The following DIP2B variants were observed in gnomAD, a reference collection of about 807,000 sequenced individuals.
DIP2B encodes the protein disco-interacting protein 2 homolog B.
A neutral mutation model predicts 198.0 loss-of-function variants in DIP2B; 76 were observed. That is an observed-to-expected ratio of 0.38 (90% CI 0.32 to 0.46). The LOEUF (loss-of-function observed/expected upper bound fraction) is 0.46, where lower values mean the gene tolerates loss of function less well. Ranked by LOEUF, DIP2B falls within the 20% of genes least tolerant of loss-of-function variation. The pLI, the probability that DIP2B is intolerant of heterozygous loss-of-function variation, is 0.99. For synonymous variants in DIP2B, 701 were observed against 739.1 expected, an observed-to-expected ratio of 0.95 and a Z score of 0.84; for missense variants, 1,559 against 1,978.4, an observed-to-expected ratio of 0.79 and a Z score of 4.02.
intron 1 of DIP2B, among the ~76,000 whole-genome samples, chr12:50,583,522 A>T (rs1958743690): frequency 6.6e-6 from 1 of 152,216 alleles, no homozygotes; most frequent in African/African-American, 2.4e-5. Context: ...GATCATAGAC[A>T]GATGTCCCGA....
rs1939369854 is a variant in DIP2B, at chr12:50,699,066, G to T, written c.2189G>T (p.Gly730Val). Residue 730 changes from glycine to valine, a missense_variant and splice_region_variant, in exon 19 of 38, where the codon GGG becomes GTG. By Grantham distance (109) the Gly-to-Val change is moderately radical (BLOSUM62 -3). Transcript: ENST00000301180. ...VQDVGHVMPG[G>V]MMCIVKPDGP... ...TTAACCTGTATTTTCTGTACGTTAGGGATGATGTGCATTGTGAAACCAGAT... is the reference window on the plus strand; with the variant it reads ...TTAACCTGTATTTTCTGTACGTTAGTGATGATGTGCATTGTGAAACCAGAT... 3 of 1,613,894 alleles carry T rather than the reference G, an allele frequency of 1.9e-6. No homozygotes were observed. Among genetic ancestry groups the T allele is most frequent in the Non-Finnish European group, 2.5e-6 (3 of 1,179,976 alleles).
chr12:50,553,490 G>A (rs1013833832), intron 1 of DIP2B, among the ~76,000 whole-genome samples: 4 of 152,128 alleles, frequency 2.6e-5, no homozygotes, highest in African/African-American at 9.7e-5. Flanking sequence ...GTATGTTGCA[G>A]GTCAGTTTAA....
At chr12:50,613,501 G>C (rs1008594551) in intron 1 of DIP2B, among the ~76,000 whole-genome samples, 4 of 152,128 alleles carry the variant, frequency 2.6e-5, no homozygotes, top group Non-Finnish European at 4.4e-5. Flanking sequence ...CTTTTTCGTA[G>C]AGAAAAGGTA....
intron 2 of DIP2B, among the ~76,000 whole-genome samples, chr12:50,638,355 G>A (rs1938195171): frequency 6.6e-6 from 1 of 152,154 alleles, no homozygotes; most frequent in African/African-American, 2.4e-5. Flanking sequence ...AAATACCTTT[G>A]GGATTTTTAT....
chr12:50,674,607 C>T lies in DIP2B; in HGVS notation c.774C>T (p.Ser258=). The T allele has an allele frequency of 6.2e-7, 1 of 1,614,172 alleles. No homozygotes were observed. Among genetic ancestry groups the T allele is most frequent in the Non-Finnish European group, 8.5e-7 (1 of 1,180,030 alleles). ...GCATGCACAAAGGATCCAACAGGTC[C>T]AGCCTTATGGATACAGCTGATGGTA... The part of the protein sequence containing the change: ...VKGMHKGSNR[S]SLMDTADGVP... The change falls in exon 6 of 38, where the codon TCC becomes TCT. Residue 258 remains serine (S), a synonymous_variant. Coordinates refer to ENST00000301180, the MANE Select transcript of DIP2B (RefSeq NM_173602.3).
Position 50,744,873 on chromosome 12 carries a change from A to T in DIP2B, c.*34A>T, listed in dbSNP as rs765967839. On this transcript the variant is annotated 3_prime_UTR_variant, in exon 38 of 38. Transcript: ENST00000301180. Reference sequence around the variant, plus strand: ...GTGGGGACTGCAGTGGGCCATTCTGAAGAATCACAAAGACAGAAGACCTCT... The same window carrying T: ...GTGGGGACTGCAGTGGGCCATTCTGTAGAATCACAAAGACAGAAGACCTCT... 1.2e-6 allele frequency: 2 copies of T among 1,605,616 alleles called. No homozygotes were observed. Among genetic ancestry groups the T allele is most frequent in the South Asian group, 1.1e-5 (1 of 90,688 alleles).
chr12:50,629,947 ATT>A (rs544878687), intron 2 of DIP2B, among the ~76,000 whole-genome samples: 25 of 127,124 alleles, frequency 2.0e-4, no homozygotes, highest in Admixed American at 4.9e-4. Flanking sequence ...GGTAAATTTA[ATT>A]TTTTTTTTTT....
At position 50,505,166 on chromosome 12, in the gene DIP2B, C is replaced by T. The variant is rs1466454746; in HGVS notation, c.26C>T (p.Ser9Leu). Residue 9 changes from serine to leucine, a missense_variant, in exon 1 of 38, where the codon TCG becomes TTG. Ser to Leu is a moderately radical substitution (Grantham distance 145, BLOSUM62 -2). Transcript: ENST00000301180. MAERGLEP[S>L]PAAVAALPPE... Reference sequence around the variant, plus strand: ...ATGGCGGAACGAGGCCTGGAGCCGTCGCCGGCCGCGGTGGCGGCGCTGCCG... The same window carrying T: ...ATGGCGGAACGAGGCCTGGAGCCGTTGCCGGCCGCGGTGGCGGCGCTGCCG... The T allele has an allele frequency of 1.7e-5, 26 of 1,526,546 alleles. No individual in the cohort carries two copies. The highest frequency in any genetic ancestry group is 2.3e-5 in the Non-Finnish European group (26 of 1,142,394). The allele number at this position is 1,526,546 out of a possible 1,614,324, so 94.6% of individuals were successfully genotyped here.
intron 1 of DIP2B, among the ~76,000 whole-genome samples, chr12:50,568,210 T>A (rs1022320086): frequency 7.2e-5 from 11 of 152,190 alleles, no homozygotes; most frequent in Admixed American, 2.0e-4. Flanking sequence ...TTTGCTGTCC[T>A]TCTTTGGAAC....
intron 1 of DIP2B, among the ~76,000 whole-genome samples, chr12:50,602,098 C>T (rs1323456088): frequency 6.6e-6 from 1 of 152,156 alleles, no homozygotes; most frequent in African/African-American, 2.4e-5. Flanking sequence ...TAATTCAAAC[C>T]TCAAGCTTGT....
At chr12:50,657,869 A>T (rs1251267044) in intron 3 of DIP2B, among the ~76,000 whole-genome samples, 1 of 152,150 alleles carries the variant, frequency 6.6e-6, no homozygotes, top group Non-Finnish European at 1.5e-5. Context: ...TAGATCCCAG[A>T]TCAGGAAAAA....
chr12:50,633,410 A>G (rs971345405), intron 2 of DIP2B: 1 of 152,178 alleles, frequency 6.6e-6, no homozygotes, highest in African/African-American at 2.4e-5. Context: ...GTCATTGTGT[A>G]AGGAAGAATA....
chr12:50,601,337 T>G lies in DIP2B; in HGVS notation c.101-24639T>G, dbSNP rs565481401. 3.4e-3 allele frequency among the ~76,000 whole-genome samples: 524 copies of G among 151,990 alleles called. 2 individuals carry two copies. Among genetic ancestry groups the G allele is most frequent in the Non-Finnish European group, 3.8e-3 (261 of 67,982 alleles). ...GTTTGCTATATATATCTATATATTT[T>G]TTTGTTTGTTTGTTTGTTTTTTTTT... is the stretch of plus-strand genomic sequence containing the variant. On this transcript the variant is annotated intron_variant, in intron 1 of 37. Coordinates refer to ENST00000301180, the MANE Select transcript of DIP2B (RefSeq NM_173602.3).
intron 1 of DIP2B, among the ~76,000 whole-genome samples, chr12:50,516,241 C>CTCTCTCTATCTCTA (rs1555180929): frequency 5.0e-5 from 7 of 140,998 alleles, no homozygotes; most frequent in African/African-American, 1.4e-4. Flanking sequence ...CTCTCTCTCT[C>CTCTCTCTATCTCTA]TCTCTATCTC....
At chr12:50,547,660 AT>A (rs1475524429) in intron 1 of DIP2B, among the ~76,000 whole-genome samples, 4 of 152,234 alleles carry the variant, frequency 2.6e-5, no homozygotes, top group Admixed American at 1.3e-4. Context: ...GCTAAAAAAA[AT>A]AAGTCTACTA....
At chr12:50,638,931 A>G (rs1296732608) in intron 2 of DIP2B, among the ~76,000 whole-genome samples, 2 of 151,768 alleles carry the variant, frequency 1.3e-5, no homozygotes, top group African/African-American at 4.8e-5. Flanking sequence ...ATTGGCAATT[A>G]GAAATGTTTC....
chr12:50,719,602 G>A (rs1939795260), intron 25 of DIP2B, among the ~76,000 whole-genome samples: 2 of 152,088 alleles, frequency 1.3e-5, no homozygotes, highest in South Asian at 4.1e-4. Flanking sequence ...AACACTTTGG[G>A]AGGCCAAGGC....
intron 2 of DIP2B, among the ~76,000 whole-genome samples, chr12:50,632,684 G>A (rs1938082611): frequency 6.6e-6 from 1 of 151,234 alleles, no homozygotes; most frequent in Non-Finnish European, 1.5e-5. Flanking sequence ...TTACAGGCAT[G>A]TGCTACCACA....
In DIP2B at chr12:50,542,389, A is replaced by G. The variant is rs187486061; in HGVS notation, c.100+37149A>G. ...ATCTTTGTTGATGCATATTTCTGTA[A>G]TAGTTTTTTCCTGTCTTAATTTTCT... On this transcript the variant is annotated intron_variant, in intron 1 of 37. Coordinates refer to ENST00000301180, the MANE Select transcript of DIP2B (RefSeq NM_173602.3). Among the ~76,000 whole-genome samples the G allele has an allele frequency of 6.2e-4, 94 of 152,296 alleles. 1 individual carries two copies. Among genetic ancestry groups the G allele is most frequent in the Admixed American group, 1.1e-3 (17 of 15,280 alleles).
Sources: gnomAD v4.1 joint callset for allele counts (sites outside exome capture counted in the v4.1 genomes callset) on GRCh38, gnomAD v4.1.1 for gene constraint, MANE v1.5 for transcripts, NCBI Gene and HGNC (gene_info 2026-07-23, HGNC 2026-07-21) for gene names.